TRMT10B: variants seen among roughly 807,000 people sequenced by gnomAD.
TRMT10B encodes the protein tRNA methyltransferase 10 homolog B.
A neutral mutation model predicts 43.8 loss-of-function variants in TRMT10B; 33 were observed. The ratio of observed to expected loss-of-function variants is 0.75; its 90% CI spans 0.57 to 1.01. TRMT10B has a LOEUF of 1.01. Among genes scored for constraint, TRMT10B ranks in the 50% least tolerant of loss-of-function variants. The probability of loss-of-function intolerance (pLI) is 0.00; values close to 1 mark genes in which losing one functional copy is unlikely to be tolerated. For synonymous variants in TRMT10B, 137 were observed against 130.6 expected (o/e 1.05, Z -0.34); for missense variants, 362 against 369.8 (o/e 0.98, Z 0.17).
intron 1 of TRMT10B, among the ~76,000 whole-genome samples, chr9:37,760,135 G>A (rs1194091513): frequency 6.6e-6 from 1 of 152,202 alleles, no homozygotes; most frequent in African/African-American, 2.4e-5. Context: ...AGACCAGCCT[G>A]GCTAACATGG....
At chr9:37,766,086 G>T (rs1325770477) in intron 4 of TRMT10B, among the ~76,000 whole-genome samples, 1 of 152,170 alleles carries the variant, frequency 6.6e-6, no homozygotes, top group Non-Finnish European at 1.5e-5. Flanking sequence ...AGTTGAATTA[G>T]ATCCCATTTG....
At chr9:37,774,551 A>AT (rs1298294210) in intron 7 of TRMT10B, among the ~76,000 whole-genome samples, 2 of 152,238 alleles carry the variant, frequency 1.3e-5, no homozygotes, top group African/African-American at 4.8e-5. Flanking sequence ...CATAAACTAA[A>AT]TTGTAAGCTC....
At chr9:37,773,978 C>T (rs117855569) in intron 7 of TRMT10B, among the ~76,000 whole-genome samples, 17,243 of 139,876 alleles carry the variant, frequency 0.12, 1,181 homozygotes, top group Non-Finnish European at 0.16. Context: ...AAAAAAACAA[C>T]AATAATAATA....
At chr9:37,762,526 T>C in intron 2 of TRMT10B, 51 bp from the exon 3 acceptor site, 1 of 1,527,380 alleles carries the variant, frequency 6.5e-7, no homozygotes. Context: ...CATTTTCCTT[T>C]TTTGGTGCTT....
intron 1 of TRMT10B, among the ~76,000 whole-genome samples, chr9:37,759,079 G>A (rs1332944888): frequency 6.6e-6 from 1 of 152,184 alleles, no homozygotes; most frequent in Non-Finnish European, 1.5e-5. Context: ...ATAATACTTT[G>A]GGAAATGGAT....
Position 37,776,312 on chromosome 9 carries a change from T to C in TRMT10B, c.751T>C (p.Ser251Pro). Residue 251 changes from serine (S) to proline (P), a missense_variant, in exon 8 of 9, where the codon TCT becomes CCT. Ser to Pro is a moderately conservative substitution (Grantham distance 74). Transcript: ENST00000297994. ...GACATTTCAAAAGGCCCGGGAATAC[T>C]CTGTCAAGACCGCACGCTTGCCAAT... ...KVTFQKAREY[S>P]VKTARLPIQE... 1.3e-6 allele frequency: 2 copies of C among 1,598,880 alleles called. No homozygotes were observed. Among genetic ancestry groups the C allele is most frequent in the Non-Finnish European group, 1.7e-6 (2 of 1,173,482 alleles).
chr9:37,757,247 C>CT (rs1825827030), intron 1 of TRMT10B, among the ~76,000 whole-genome samples: 2 of 152,092 alleles, frequency 1.3e-5, no homozygotes, highest in Admixed American at 1.3e-4. Context: ...TCATGCTCAT[C>CT]TAATTCTTTG....
At chr9:37,774,308 C>T (rs895336126) in intron 7 of TRMT10B, among the ~76,000 whole-genome samples, 3 of 152,182 alleles carry the variant, frequency 2.0e-5, no homozygotes, top group African/African-American at 4.8e-5. Flanking sequence ...GGCCAACAGT[C>T]CCTTTTTTGA....
upstream of TRMT10B, among the ~76,000 whole-genome samples, chr9:37,753,107 A>G (rs565571968): frequency 3.7e-4 from 56 of 151,504 alleles, no homozygotes; most frequent in Admixed American, 1.1e-3. Context: ...CCCTCTTAAG[A>G]GATTTAACAC....
intron 8 of TRMT10B, among the ~76,000 whole-genome samples, chr9:37,777,321 G>C (rs1369691959): frequency 6.9e-6 from 1 of 145,324 alleles, no homozygotes; most frequent in Non-Finnish European, 1.5e-5. Context: ...GAGCATCTTG[G>C]CCCTTCCCCA....
At position 37,778,228 on chromosome 9, in the gene TRMT10B, GT is replaced by G. The variant is rs1182304020; in HGVS notation, c.*523del. 6.5e-6 allele frequency: 1 copy of G among 153,286 alleles called. No individual in the cohort carries two copies. The highest frequency in any genetic ancestry group is 1.4e-5 in the Non-Finnish European group (1 of 69,020). 9.5% of individuals were successfully genotyped at this position (153,286 alleles called of 1,614,324 possible). On this transcript the variant is annotated 3_prime_UTR_variant, in exon 9 of 9. Coordinates refer to ENST00000297994, the MANE Select transcript of TRMT10B (RefSeq NM_144964.4). ...GCTCAGATATGTTAAGTAATAAAAA[GT>G]TAATGTGGTGGGTGCAGTGGCTCAC...
intron 3 of TRMT10B, among the ~76,000 whole-genome samples, chr9:37,763,143 C>CAA (rs747893643): frequency 0.012 from 593 of 49,146 alleles, 8 homozygotes; most frequent in East Asian, 0.037. Flanking sequence ...GACTCTGTCT[C>CAA]AAAAAAAAAA....
chr9:37,759,498 G>A (rs1175063158), intron 1 of TRMT10B, among the ~76,000 whole-genome samples: 1 of 152,222 alleles, frequency 6.6e-6, no homozygotes, highest in Non-Finnish European at 1.5e-5. Context: ...AGACTGATTT[G>A]GAAAGTGGAG....
intron 7 of TRMT10B, among the ~76,000 whole-genome samples, chr9:37,772,641 T>C (rs1288975877): frequency 6.6e-6 from 1 of 152,172 alleles, no homozygotes; most frequent in Non-Finnish European, 1.5e-5. Flanking sequence ...TGGGACATTC[T>C]GCAAAACAAC....
intron 1 of TRMT10B, among the ~76,000 whole-genome samples, chr9:37,754,739 G>A (rs1360145821): frequency 6.6e-6 from 1 of 152,200 alleles, no homozygotes; most frequent in African/African-American, 2.4e-5. Flanking sequence ...GTGCTTAGTA[G>A]CTTTGTTGAA....
upstream of TRMT10B, among the ~76,000 whole-genome samples, chr9:37,753,470 C>T (rs549807695): frequency 2.0e-5 from 3 of 152,162 alleles, no homozygotes; most frequent in Non-Finnish European, 2.9e-5. Flanking sequence ...GAGGGAGGTC[C>T]ATTCAGTCGG....
Position 37,774,291 on chromosome 9 carries a change from G to A in TRMT10B, c.721-1991G>A, listed in dbSNP as rs544956215. ...TGCTGAGATTGCAGGCATGAGCCACGGTGCCTGGCCAACAGTCCCTTTTTT... is the reference window on the plus strand; with the variant it reads ...TGCTGAGATTGCAGGCATGAGCCACAGTGCCTGGCCAACAGTCCCTTTTTT... On this transcript the variant is annotated intron_variant, in intron 7 of 8. Coordinates refer to ENST00000297994, the MANE Select transcript of TRMT10B (RefSeq NM_144964.4). 4.3e-4 allele frequency among the ~76,000 whole-genome samples: 65 copies of A among 152,258 alleles called. No individual in the cohort carries two copies. In the Middle Eastern group the frequency reaches 0.014, roughly 32 times the overall value.
In TRMT10B at chr9:37,762,599, G is replaced by A; in HGVS notation, c.209G>A (p.Arg70Lys). 5 of 1,595,414 alleles carry A rather than the reference G, an allele frequency of 3.1e-6. No individual in the cohort carries two copies. The highest frequency in any genetic ancestry group is 4.3e-6 in the Non-Finnish European group (5 of 1,170,278). Residue 70 changes from arginine (R) to lysine (K), a missense_variant, in exon 3 of 9, where the codon AGA (arginine) becomes AAA (lysine). Physicochemically the swap from Arg to Lys is conservative, Grantham distance 26 (BLOSUM62 2). Coordinates refer to ENST00000297994, the MANE Select transcript of TRMT10B (RefSeq NM_144964.4). ...WCSKNVQRKQ[R>K]HWEKIVAAKK... ...AAGAAAAATGTCCAGAGAAAACAGA[G>A]ACACTGGGAAAAGATAGTTGCAGCA...
intron 6 of TRMT10B, 75 bp downstream of exon 6, chr9:37,770,094 A>G: frequency 7.4e-7 from 1 of 1,353,496 alleles, no homozygotes; most frequent in Non-Finnish European, 1.1e-6. Context: ...AGAATTTATT[A>G]AAGCCCCTCA....
Sources: allele counts gnomAD v4.1 joint callset (sites outside exome capture counted in the v4.1 genomes callset), GRCh38; gene constraint gnomAD v4.1.1; transcripts MANE v1.5; gene names NCBI Gene and HGNC (gene_info 2026-07-23, HGNC 2026-07-21).